The following EPS15 variants were observed in gnomAD, a reference collection of about 807,000 sequenced individuals.
EPS15 encodes epidermal growth factor receptor substrate 15.
A neutral mutation model predicts 113.8 loss-of-function variants in EPS15; 72 were observed. That is an observed-to-expected ratio of 0.63 (90% confidence interval 0.52 to 0.77). The LOEUF is 0.77. Ranked by LOEUF, EPS15 falls within the 30% of genes least tolerant of loss-of-function variation. The pLI, the probability that EPS15 is intolerant of heterozygous loss-of-function variation, is 0.00. For missense variants in EPS15, 1,048 were observed against 1,045.8 expected, an observed-to-expected ratio of 1.00 and a Z score of -0.03; for synonymous variants, 344 against 363.4, an observed-to-expected ratio of 0.95 and a Z score of 0.61.
intron 4 of EPS15, among the ~76,000 whole-genome samples, chr1:51,470,009 T>C (rs1655125952): frequency 6.6e-6 from 1 of 152,222 alleles, no homozygotes; most frequent in Admixed American, 6.5e-5. Flanking sequence ...TTGGAGTCAA[T>C]GTCTTCCCTA....
intron 2 of EPS15, among the ~76,000 whole-genome samples, chr1:51,475,143 T>C (rs1655571353): frequency 6.6e-6 from 1 of 152,238 alleles, no homozygotes; most frequent in East Asian, 1.9e-4. Context: ...AATAAACATA[T>C]GTGTGCATGT....
At chr1:51,470,931 T>C (rs1253336145) in intron 4 of EPS15, among the ~76,000 whole-genome samples, 1 of 152,154 alleles carries the variant, frequency 6.6e-6, no homozygotes, top group Non-Finnish European at 1.5e-5. Flanking sequence ...AATTTTGTTT[T>C]CCTATACCTC....
intron 1 of EPS15, among the ~76,000 whole-genome samples, chr1:51,503,364 G>A (rs994766463): frequency 2.0e-5 from 3 of 152,210 alleles, no homozygotes; most frequent in Non-Finnish European, 2.9e-5. Context: ...GGCTGGGCGC[G>A]GTGGGTCATG....
chr1:51,501,743 T>A (rs924398947), intron 1 of EPS15, among the ~76,000 whole-genome samples: 19 of 152,114 alleles, frequency 1.2e-4, no homozygotes, highest in Non-Finnish European at 1.8e-4. Flanking sequence ...CCTCCCAAAG[T>A]GCTGGGATTA....
Position 51,510,665 on chromosome 1 carries a change from C to T in EPS15, c.33+8534G>A, listed in dbSNP as rs1034017326. ...TGGAGCCGGAAGAGGGAGGAGATCA[C>T]ACTAAAAAAGGCACAGAAATCACAC... is the stretch of plus-strand genomic sequence containing the variant. On this transcript the variant is annotated intron_variant, in intron 1 of 24. Transcript: ENST00000371733. Among the ~76,000 whole-genome samples the T allele has an allele frequency of 2.0e-5, 3 of 152,228 alleles. No homozygotes were observed. In the South Asian group the frequency reaches 6.2e-4, roughly 32 times the overall value.
At chr1:51,451,067 T>C (rs1238747252) in intron 8 of EPS15, among the ~76,000 whole-genome samples, 1 of 151,832 alleles carries the variant, frequency 6.6e-6, no homozygotes, top group Admixed American at 6.6e-5. Context: ...GGAGCTCTCA[T>C]AGTGAAAAGG....
rs79924227 is a variant in EPS15, at chr1:51,448,023, C to A, written c.651+23G>T. The A allele has an allele frequency of 9.9e-6, 16 of 1,608,754 alleles. No homozygotes were observed. The Admixed American group carries it at 2.5e-4, about 26-fold the overall frequency. ...GGCTGATGCTGAAGAGGGGATCAAC[C>A]GCACAGAGCCTGATATACTGACCGT... On this transcript the variant is annotated intron_variant, in intron 9 of 24. Transcript: ENST00000371733.
intron 9 of EPS15, 153 bp downstream of exon 9, chr1:51,447,893 A>T: frequency 1.3e-6 from 1 of 798,102 alleles, no homozygotes; most frequent in Non-Finnish European, 1.5e-6. Flanking sequence ...AATGCCATGT[A>T]CTTTGTTAAA....
chr1:51,449,690 G>C (rs1653377451), intron 8 of EPS15, among the ~76,000 whole-genome samples: 1 of 151,722 alleles, frequency 6.6e-6, no homozygotes, highest in South Asian at 2.1e-4. Flanking sequence ...GGAAGACAGA[G>C]TTATTACTCA....
chr1:51,354,491 T>C lies in EPS15; in HGVS notation c.*2209A>G, dbSNP rs12123218. 545 of 183,144 alleles carry C rather than the reference T, an allele frequency of 3.0e-3. 1 individual carries two copies. The highest frequency in any genetic ancestry group is 4.0e-3 in the Non-Finnish European group (347 of 86,060). The allele number at this position is 183,144 out of a possible 1,614,324, so 11.3% of individuals were successfully genotyped here. A position where few individuals can be genotyped will look rare whatever the true frequency, so the allele number is the denominator to read the frequency against. On this transcript the variant is annotated 3_prime_UTR_variant, in exon 25 of 25. Transcript: ENST00000371733. ...AGGCTACAACTTAGAGGTTTGAAAC[T>C]TTAAGAGAAAATTCTATAAAGAGAG...
At chr1:51,392,264 T>C (rs976421077) in intron 21 of EPS15, among the ~76,000 whole-genome samples, 2 of 152,240 alleles carry the variant, frequency 1.3e-5, no homozygotes, top group African/African-American at 4.8e-5. Context: ...TTTCCTTGTC[T>C]GTATAATAAA....
At chr1:51,366,643 T>C (rs1646514352) in intron 21 of EPS15, among the ~76,000 whole-genome samples, 1 of 152,218 alleles carries the variant, frequency 6.6e-6, no homozygotes, top group Non-Finnish European at 1.5e-5. Context: ...TCAAATAATA[T>C]AGCTCCTATG....
chr1:51,411,261 C>G (rs889629672), intron 13 of EPS15, among the ~76,000 whole-genome samples: 3 of 152,018 alleles, frequency 2.0e-5, no homozygotes, highest in African/African-American at 7.2e-5. Context: ...CTTTAAAGCC[C>G]AGGCAGAGCA....
intron 1 of EPS15, among the ~76,000 whole-genome samples, chr1:51,505,253 A>G (rs1221418813): frequency 2.6e-5 from 4 of 152,220 alleles, no homozygotes; most frequent in South Asian, 4.1e-4. Flanking sequence ...AGCATTATTC[A>G]TAACAGCCAA....
chr1:51,394,480 A>G, intron 20 of EPS15, 33 bp from the exon 21 acceptor site: 1 of 1,428,760 alleles, frequency 7.0e-7, no homozygotes, highest in East Asian at 2.3e-5. Flanking sequence ...TGAATGAGAG[A>G]GGCAACACTT....
At chr1:51,433,784 G>A (rs1421629021) in intron 12 of EPS15, among the ~76,000 whole-genome samples, 1 of 152,194 alleles carries the variant, frequency 6.6e-6, no homozygotes, top group Non-Finnish European at 1.5e-5. Flanking sequence ...TAACAAACAG[G>A]CCTGACAGGA....
intron 8 of EPS15, chr1:51,458,892 C>T (rs1218779791): frequency 1.8e-5 from 3 of 164,056 alleles, no homozygotes; most frequent in East Asian, 1.9e-4. Context: ...ACCGAAATCT[C>T]TTCAGCACGG....
intron 13 of EPS15, among the ~76,000 whole-genome samples, chr1:51,413,729 C>G (rs567328830): frequency 5.3e-5 from 8 of 152,238 alleles, no homozygotes; most frequent in African/African-American, 2.4e-5. Flanking sequence ...ATCATTACTG[C>G]TTTAACATGT....
At chr1:51,507,043 G>T (rs1644510968) in intron 1 of EPS15, among the ~76,000 whole-genome samples, 2 of 152,098 alleles carry the variant, frequency 1.3e-5, no homozygotes, top group Non-Finnish European at 2.9e-5. Flanking sequence ...GCATTTTTCA[G>T]ATTATTGCTC....
Sources: gnomAD v4.1 joint callset for allele counts (sites outside exome capture counted in the v4.1 genomes callset) on GRCh38, gnomAD v4.1.1 for gene constraint, MANE v1.5 for transcripts, NCBI Gene and HGNC (gene_info 2026-07-23, HGNC 2026-07-21) for gene names.